Variants in TRAPPC4 observed in about 807,000 individuals in gnomAD.
TRAPPC4 encodes TRS23 homolog.
In TRAPPC4, 30 loss-of-function variants were observed where a neutral mutation model predicts 23.5. That is an observed-to-expected ratio of 1.28 (90% CI 0.96 to 1.73). The LOEUF (loss-of-function observed/expected upper bound fraction) is 1.73. Ranked by LOEUF, TRAPPC4 falls within the 40% of genes most tolerant of loss-of-function variation. TRAPPC4 has a pLI of 0.00. For missense variants in TRAPPC4, 252 were observed against 268.9 expected (o/e 0.94, Z 0.44); for synonymous variants, 129 against 105.3 (o/e 1.23, Z -1.38).
rs1480112001 is a variant in TRAPPC4, at chr11:119,019,165, C to T, written c.198C>T (p.Ile66=). The change falls in exon 2 of 5, where the codon ATC becomes ATT. Residue 66 remains isoleucine, a synonymous_variant. Transcript: ENST00000533632. ...CAGTGGGTCATGCAGTGCTGGCCATCAATGGCATGGACGTGAATGGCAGGT... is the reference window on the plus strand; with the variant it reads ...CAGTGGGTCATGCAGTGCTGGCCATTAATGGCATGGACGTGAATGGCAGGT... ...GIRVGHAVLA[I]NGMDVNGRYT... The T allele has an allele frequency of 6.2e-7, 1 of 1,614,196 alleles. No homozygotes were observed. Among genetic ancestry groups the T allele is most frequent in the South Asian group, 1.1e-5 (1 of 91,090 alleles).
rs181044960 is a variant in TRAPPC4, at chr11:119,023,088, C to T, written c.582-233C>T. 255 of 351,736 alleles carry T rather than the reference C, an allele frequency of 7.2e-4. 1 individual carries two copies. In the East Asian group the frequency reaches 7.9e-3, roughly 11 times the overall value. The allele number at this position is 351,736 out of a possible 1,614,324, so 21.8% of individuals were successfully genotyped here. ...CAGGCGATTCTTTTGTCTCAGCCTC[C>T]GGAGTAGCTGGGATTACAGGCACCT... On this transcript the variant is annotated intron_variant, in intron 4 of 4. Transcript: ENST00000533632.
intron 2 of TRAPPC4, 96 bp from the exon 3 acceptor site, chr11:119,020,054 A>G (rs919979001): frequency 2.6e-6 from 2 of 780,612 alleles, no homozygotes; most frequent in Non-Finnish European, 4.3e-6. Flanking sequence ...TGACTGTCCC[A>G]GGCTGTAATG....
In TRAPPC4 at chr11:119,019,346, G is replaced by T. The variant is rs918327392; in HGVS notation, c.350+29G>T. ...AGTCCCCCGTCTCCTGAACGGCAGCGCTTGTAATTTGTCTACCTTTTCTTA... is the reference window on the plus strand; with the variant it reads ...AGTCCCCCGTCTCCTGAACGGCAGCTCTTGTAATTTGTCTACCTTTTCTTA... On this transcript the variant is annotated intron_variant, in intron 2 of 4. Coordinates refer to ENST00000533632, the MANE Select transcript of TRAPPC4 (RefSeq NM_016146.6). 1.9e-6 allele frequency: 3 copies of T among 1,594,616 alleles called. No homozygotes were observed. In the South Asian group the frequency reaches 3.3e-5, roughly 18 times the overall value.
chr11:119,019,390 AT>A (rs1943271558), intron 2 of TRAPPC4, 73 bp downstream of exon 2: 1 of 1,489,814 alleles, frequency 6.7e-7, no homozygotes, highest in Non-Finnish European at 9.2e-7. Context: ...TTCTGGTGTT[AT>A]GAAAAACGCA....
intron 4 of TRAPPC4, 168 bp from the exon 5 acceptor site, chr11:119,023,153 C>G: frequency 3.6e-6 from 2 of 558,830 alleles, no homozygotes; most frequent in Non-Finnish European, 6.5e-6. Context: ...TTAGTAGAGA[C>G]AGGGTTTCAC....
Position 119,018,952 on chromosome 11 carries a change from C to T in TRAPPC4, c.157C>T (p.Gln53Ter), listed in dbSNP as rs1370883398. 2 of 1,612,178 alleles carry T rather than the reference C, an allele frequency of 1.2e-6. No individual in the cohort carries two copies. The highest frequency in any genetic ancestry group is 2.2e-5 in the South Asian group (2 of 91,068). Reference sequence around the variant, plus strand: ...TGAGCGTGTGTTGGTTGCTTTCGGCCAGCGGGACGGCATCCGAGGTGGGCT... The same window carrying T: ...TGAGCGTGTGTTGGTTGCTTTCGGCTAGCGGGACGGCATCCGAGGTGGGCT... ...HDERVLVAFG[Q>*]RDGIRVGHAV... is the part of the protein sequence containing the mutation. The change falls in exon 1 of 5, where the codon CAG (glutamine) becomes TAG (stop). Residue 53 changes from glutamine (Q) to a stop codon, truncating the protein, a stop_gained. Transcript: ENST00000533632. LOFTEE classifies it high-confidence loss of function.
Position 119,023,450 on chromosome 11 carries a change from A to G in TRAPPC4, c.*51A>G, listed in dbSNP as rs375268470. 2 of 1,539,248 alleles carry G rather than the reference A, an allele frequency of 1.3e-6. No individual in the cohort carries two copies. Among genetic ancestry groups the G allele is most frequent in the African/African-American group, 2.7e-5 (2 of 73,366 alleles). ...TTCTGAGAGTTCCTGCAACAAGAAT[A>G]CTGCTGTTGACACTCCAGTGGAAAT... On this transcript the variant is annotated 3_prime_UTR_variant, in exon 5 of 5. Coordinates refer to ENST00000533632, the MANE Select transcript of TRAPPC4 (RefSeq NM_016146.6).
chr11:119,019,548 TCTC>T lies in TRAPPC4; in HGVS notation c.350+234_350+236del, dbSNP rs1943278890. The T allele has an allele frequency of 2.8e-5, 14 of 492,818 alleles. No individual in the cohort carries two copies. The East Asian group carries it at 5.3e-4, about 19-fold the overall frequency. The allele number at this position is 492,818 out of a possible 1,614,324, so 30.5% of individuals were successfully genotyped here. On this transcript the variant is annotated intron_variant, in intron 2 of 4. Coordinates refer to ENST00000533632, the MANE Select transcript of TRAPPC4 (RefSeq NM_016146.6). ...CCTCTGCCTCCCAGGTTCAAGCGAT[TCTC>T]CTGCCTCAGCCTCCCGAGTAGCTGG...
rs554612588 is a variant in TRAPPC4 at position 119,023,455 on chromosome 11, T to C, written c.*56T>C. 18 of 1,527,822 alleles carry C rather than the reference T, an allele frequency of 1.2e-5. No individual in the cohort carries two copies. In the African/African-American group the frequency reaches 2.0e-4, roughly 17 times the overall value. 94.6% of individuals were successfully genotyped at this position (1,527,822 alleles called of 1,614,324 possible). On this transcript the variant is annotated 3_prime_UTR_variant, in exon 5 of 5. Transcript: ENST00000533632. The stretch of plus-strand genomic sequence containing the variant: ...AGAGTTCCTGCAACAAGAATACTGC[T>C]GTTGACACTCCAGTGGAAATCCCAG...
chr11:119,021,600 G>C, intron 3 of TRAPPC4, 160 bp from the exon 4 acceptor site: 1 of 726,878 alleles, frequency 1.4e-6, no homozygotes, highest in Non-Finnish European at 2.2e-6. Flanking sequence ...CTCATCGGTA[G>C]ATTCAAAGTC....
At chr11:119,022,965 T>TGG (rs1283629679) in intron 4 of TRAPPC4, 10,341 of 136,976 alleles carry the variant, frequency 0.075, 527 homozygotes, top group South Asian at 0.25. Flanking sequence ...ATGTTTTTTT[T>TGG]TTTTTTTTTT....
intron 4 of TRAPPC4, among the ~76,000 whole-genome samples, chr11:119,022,341 A>G (rs887975003): frequency 2.0e-5 from 3 of 152,104 alleles, no homozygotes; most frequent in African/African-American, 4.8e-5. Flanking sequence ...GTGTAATCTC[A>G]GCACTTTGGA....
rs371039858 is a variant in TRAPPC4, at chr11:119,020,142, G to A, written c.351-8G>A. ...TCCTTAGAGCAACTTTGCCTCCTTT[G>A]CATATAGGCTCTTTGCCATCGGCTC... is the stretch of plus-strand genomic sequence containing the variant. On this transcript the variant is annotated splice_region_variant and splice_polypyrimidine_tract_variant and intron_variant, in intron 2 of 4. Transcript: ENST00000533632. The A allele has an allele frequency of 8.1e-6, 13 of 1,611,342 alleles. No homozygotes were observed. The African/African-American group carries it at 1.7e-4, about 22-fold the overall frequency.
chr11:119,019,122 C>A (rs781841778), intron 1 of TRAPPC4, 21 bp from the exon 2 acceptor site: 1 of 1,608,546 alleles, frequency 6.2e-7, no homozygotes, highest in East Asian at 2.2e-5. Flanking sequence ...CCTTCGCTGA[C>A]CGTTAGCTTC....
chr11:119,019,344 G>A, intron 2 of TRAPPC4, 27 bp downstream of exon 2: 1 of 1,597,428 alleles, frequency 6.3e-7, no homozygotes, highest in Non-Finnish European at 8.6e-7. Context: ...CTGAACGGCA[G>A]CGCTTGTAAT....
rs1592100204 is a variant in TRAPPC4 at position 119,021,600 on chromosome 11, G to A, written c.455-160G>A. The A allele has an allele frequency of 4.0e-5, 29 of 726,758 alleles. No homozygotes were observed. In the East Asian group the frequency reaches 8.3e-4, roughly 21 times the overall value. The allele number at this position is 726,758 out of a possible 1,614,324, so 45.0% of individuals were successfully genotyped here. On this transcript the variant is annotated intron_variant, in intron 3 of 4. Coordinates refer to ENST00000533632, the MANE Select transcript of TRAPPC4 (RefSeq NM_016146.6). ...CTTCACTTCTCTGGTCTCATCGGTA[G>A]ATTCAAAGTCTTGCCTTTCCTGCAT...
In TRAPPC4 at chr11:119,021,887, G is replaced by T. The variant is rs1434918085; in HGVS notation, c.581+1G>T. 2 of 1,614,072 alleles carry T rather than the reference G, an allele frequency of 1.2e-6. No individual in the cohort carries two copies. The highest frequency in any genetic ancestry group is 8.5e-7 in the Non-Finnish European group (1 of 1,179,936). On this transcript the variant is annotated splice_donor_variant, in intron 4 of 4. Coordinates refer to ENST00000533632, the MANE Select transcript of TRAPPC4 (RefSeq NM_016146.6). LOFTEE classifies it high-confidence loss of function. Reference sequence around the variant, plus strand: ...TCTATTCCTTAGAAATGCCTATCAGGTAAGTGGCCCCACTTCCCAGATACT... The same window carrying T: ...TCTATTCCTTAGAAATGCCTATCAGTTAAGTGGCCCCACTTCCCAGATACT...
chr11:119,020,240 C>T lies in TRAPPC4; in HGVS notation c.441C>T (p.Tyr147=), dbSNP rs1357914162. 4.3e-6 allele frequency: 7 copies of T among 1,612,762 alleles called. No individual in the cohort carries two copies. Among genetic ancestry groups the T allele is most frequent in the Non-Finnish European group, 5.9e-6 (7 of 1,179,406 alleles). Residue 147 remains tyrosine (Y), a synonymous_variant, in exon 3 of 5, where the codon TAC becomes TAT. Transcript: ENST00000533632. ...CAGACACATTCAAATTGCACTGCTA[C>T]CAGACACTGACAGGTATGCATCTCC... ...LETDTFKLHC[Y]QTLTGIKFVV...
At chr11:119,022,028 A>C in intron 4 of TRAPPC4, 142 bp downstream of exon 4, 1 of 1,105,124 alleles carries the variant, frequency 9.0e-7, no homozygotes, top group Non-Finnish European at 1.3e-6. Context: ...CTTGTTGCCC[A>C]GGCTGGAGTG....
Sources: allele counts gnomAD v4.1 joint callset (sites outside exome capture counted in the v4.1 genomes callset), GRCh38; gene constraint gnomAD v4.1.1; transcripts MANE v1.5; gene names NCBI Gene and HGNC (gene_info 2026-07-23, HGNC 2026-07-21).